Variants in COL5A1 observed in about 807,000 individuals in gnomAD.
The protein encoded by COL5A1 is collagen type V alpha 1 chain.
COL5A1 carries 16 observed loss-of-function variants against 263.7 expected under a neutral mutation model. That is an observed-to-expected ratio of 0.06 (90% CI 0.04 to 0.09). COL5A1 has a LOEUF of 0.09. COL5A1 is among the 10% of genes least tolerant of loss of function. The pLI is 1.00. For synonymous variants in COL5A1, 1,012 were observed against 1,004.5 expected, an observed-to-expected ratio of 1.01 and a Z score of -0.14; for missense variants, 2,036 against 2,540.5, an observed-to-expected ratio of 0.80 and a Z score of 4.27.
intron 28 of COL5A1, among the ~76,000 whole-genome samples, chr9:134,781,913 TC>T (rs1837270046): frequency 6.6e-6 from 1 of 152,176 alleles, no homozygotes; most frequent in Non-Finnish European, 1.5e-5. Flanking sequence ...AGTCCCCAGA[TC>T]CTGTCCTTTC....
intron 30 of COL5A1, 36 bp from the exon 31 acceptor site, chr9:134,785,959 C>A (rs779779477): frequency 1.3e-6 from 2 of 1,580,586 alleles, no homozygotes; most frequent in African/African-American, 1.3e-5. Flanking sequence ...GGAGCAATAC[C>A]GTGCTGGCCA....
chr9:134,831,238 A>G (rs1839609028), intron 64 of COL5A1, among the ~76,000 whole-genome samples: 1 of 152,172 alleles, frequency 6.6e-6, no homozygotes, highest in African/African-American at 2.4e-5. Context: ...CATAACCTGA[A>G]GGCATTCACA....
At chr9:134,815,445 C>G (rs543624816) in intron 50 of COL5A1, 131 bp from the exon 51 acceptor site, 3 of 916,790 alleles carry the variant, frequency 3.3e-6, no homozygotes, top group Non-Finnish European at 5.3e-6. Context: ...ACTGGGTTGT[C>G]GGAACTGCTG....
At chr9:134,760,686 C>T (rs1311903442) in intron 18 of COL5A1, among the ~76,000 whole-genome samples, 1 of 139,704 alleles carries the variant, frequency 7.2e-6, no homozygotes, top group Non-Finnish European at 1.5e-5. Context: ...ACCCCCCACA[C>T]TCATACATGC....
chr9:134,733,765 A>G (rs1422284724), intron 9 of COL5A1, among the ~76,000 whole-genome samples: 1 of 152,224 alleles, frequency 6.6e-6, no homozygotes, highest in Admixed American at 6.5e-5. Flanking sequence ...CAGAAGGTGA[A>G]CAACAGCAGA....
In COL5A1 at chr9:134,642,153, G is replaced by A. The variant is rs1207849143; in HGVS notation, c.-35G>A. The A allele has an allele frequency of 9.7e-6, 12 of 1,238,202 alleles. No homozygotes were observed. Among genetic ancestry groups the A allele is most frequent in the African/African-American group, 1.6e-5 (1 of 63,938 alleles). 76.7% of individuals were successfully genotyped at this position (1,238,202 alleles called of 1,614,324 possible). On this transcript the variant is annotated 5_prime_UTR_variant, in exon 1 of 66. Coordinates refer to ENST00000371817, the MANE Select transcript of COL5A1 (RefSeq NM_000093.5). The surrounding 1 kb of genome is among the most constrained non-coding windows in gnomAD (Gnocchi z 4.5). Reference sequence around the variant, plus strand: ...CCTGTGCGTCCCCGCGCGCCTCCGAGCGCCCCTGTGCGCCCCGGCCCGCGC... The same window carrying A: ...CCTGTGCGTCCCCGCGCGCCTCCGAACGCCCCTGTGCGCCCCGGCCCGCGC...
Position 134,666,687 on chromosome 9 carries a change from G to A in COL5A1, c.110-24225G>A, listed in dbSNP as rs187902930. The stretch of plus-strand genomic sequence containing the variant: ...TCTACCAGGGGGCTCCCTCACTGGG[G>A]GTGCCTGGAGGATGGAGTGTGGCTA... On this transcript the variant is annotated intron_variant, in intron 1 of 65. Transcript: ENST00000371817. 7.9e-5 allele frequency among the ~76,000 whole-genome samples: 12 copies of A among 152,274 alleles called. No homozygotes were observed. The Middle Eastern group carries it at 0.014, about 173-fold the overall frequency.
chr9:134,763,506 T>G (rs1836545571), intron 19 of COL5A1, among the ~76,000 whole-genome samples, 187 bp from the exon 20 acceptor site: 1 of 152,234 alleles, frequency 6.6e-6, no homozygotes, highest in South Asian at 2.1e-4. Flanking sequence ...TCACCTGCAG[T>G]GTCTGCACAC....
intron 9 of COL5A1, among the ~76,000 whole-genome samples, chr9:134,734,134 C>G (rs935173476): frequency 1.3e-5 from 2 of 152,012 alleles, no homozygotes; most frequent in Non-Finnish European, 2.9e-5. Flanking sequence ...GTGGGGTGGG[C>G]ACAGGTTTTC....
chr9:134,760,465 CCA>C (rs1233857324), intron 18 of COL5A1, among the ~76,000 whole-genome samples: 1 of 119,052 alleles, frequency 8.4e-6, no homozygotes. Flanking sequence ...CCACACACCC[CCA>C]CATTCATACA....
intron 31 of COL5A1, among the ~76,000 whole-genome samples, chr9:134,787,693 A>G (rs999984715): frequency 3.3e-5 from 5 of 152,016 alleles, no homozygotes; most frequent in Non-Finnish European, 5.9e-5. Context: ...TTCATTCCCA[A>G]CTCTGCAAGC....
chr9:134,824,650 G>T lies in COL5A1; in HGVS notation c.4749G>T (p.Thr1583=). 1 of 1,614,190 alleles carries T rather than the reference G, an allele frequency of 6.2e-7. No homozygotes were observed. The change falls in exon 62 of 66, where the codon ACG becomes ACT. Residue 1583 remains threonine, a synonymous_variant. Coordinates refer to ENST00000371817, the MANE Select transcript of COL5A1 (RefSeq NM_000093.5). The part of the protein sequence containing the change: ...IQPLPIQASR[T]RRNIDASQLL... Reference sequence around the variant, plus strand: ...CCCTGCCAATCCAGGCATCCAGGACGCGGCGGAACATCGACGCCAGCCAGC... The same window carrying T: ...CCCTGCCAATCCAGGCATCCAGGACTCGGCGGAACATCGACGCCAGCCAGC...
rs1416663164 is a variant in COL5A1 at position 134,795,292 on chromosome 9, A to G, written c.2776A>G (p.Ile926Val). ...GPRGERGPRG[I>V]TGKPGPKGNS... is the part of the protein sequence containing the mutation. ...GAGGGGTGAAAGAGGCCCCCGGGGC[A>G]TCACTGGGAAGCCTGGCCCCAAGGT... The change falls in exon 34 of 66, where the codon ATC becomes GTC. Residue 926 changes from isoleucine to valine, a missense_variant. By Grantham distance (29) the Ile-to-Val change is conservative. Around this residue, in one of 3 missense-constraint regions of COL5A1, gnomAD observed 1,078 missense variants for 1,521.4 expected, o/e 0.71. Transcript: ENST00000371817. 6.2e-7 allele frequency: 1 copy of G among 1,613,792 alleles called. No individual in the cohort carries two copies. The highest frequency in any genetic ancestry group is 2.2e-5 in the East Asian group (1 of 44,856).
Position 134,712,022 on chromosome 9 carries a change from T to TCCCC in COL5A1, c.654+10691_654+10692insCCCC. On this transcript the variant is annotated intron_variant, in intron 4 of 65. Coordinates refer to ENST00000371817, the MANE Select transcript of COL5A1 (RefSeq NM_000093.5). ...TCCCCCTCCTTCCTGTCCCCCTCCT[T>TCCCC]CCTTCCCCCCTTCTTCCTGCCCCCT... 4.2e-5 allele frequency among the ~76,000 whole-genome samples: 4 copies of TCCCC among 95,996 alleles called. No homozygotes were observed. The Admixed American group carries it at 5.5e-4, about 13-fold the overall frequency. 63.0% of individuals were successfully genotyped at this position (95,996 alleles called of 152,430 possible). A position where few individuals can be genotyped will look rare whatever the true frequency, so the allele number is the denominator to read the frequency against.
intron 46 of COL5A1, among the ~76,000 whole-genome samples, chr9:134,812,108 G>A (rs985244437): frequency 6.6e-6 from 1 of 152,130 alleles, no homozygotes; most frequent in Non-Finnish European, 1.5e-5. Context: ...CTATTTATTT[G>A]GAAAACATGA....
intron 59 of COL5A1, 113 bp downstream of exon 59, chr9:134,822,263 G>A (rs1171690499): frequency 4.4e-6 from 4 of 905,724 alleles, no homozygotes; most frequent in Non-Finnish European, 7.0e-6. Context: ...CGAGAAGCTG[G>A]AATTGGGGCC....
chr9:134,801,912 G>A, intron 37 of COL5A1, 42 bp from the exon 38 acceptor site: 1 of 1,589,186 alleles, frequency 6.3e-7, no homozygotes, highest in Non-Finnish European at 8.6e-7. Context: ...GGGTGGCGCA[G>A]GCCACTGCAG....
rs76226836 is a variant in COL5A1 at position 134,817,242 on chromosome 9, T to A, written c.4176+163T>A. 0.028 allele frequency among the ~76,000 whole-genome samples: 4,339 copies of A among 152,286 alleles called. 227 individuals carry two copies. The highest frequency in any genetic ancestry group is 0.096 in the African/African-American group (3,993 of 41,548). ...ACTTAGCCTCGGCCACATCATCACC[T>A]AATCACAGGCTTGCCAGGTCGACGC... On this transcript the variant is annotated intron_variant, in intron 53 of 65. Coordinates refer to ENST00000371817, the MANE Select transcript of COL5A1 (RefSeq NM_000093.5).
intron 53 of COL5A1, among the ~76,000 whole-genome samples, chr9:134,817,555 G>C (rs1838804237): frequency 6.6e-6 from 1 of 152,198 alleles, no homozygotes; most frequent in Admixed American, 6.5e-5. Flanking sequence ...GGAGTCCATA[G>C]GACTCATGCT....
Sources: allele counts gnomAD v4.1 joint callset (sites outside exome capture counted in the v4.1 genomes callset), GRCh38; gene constraint gnomAD v4.1.1; regional missense constraint gnomAD v4.1.1; non-coding constraint Gnocchi (gnomAD v3.1); transcripts MANE v1.5; gene names NCBI Gene and HGNC (gene_info 2026-07-23, HGNC 2026-07-21).